The following PRKN variants were observed in gnomAD, a reference collection of about 807,000 sequenced individuals.
PRKN encodes the protein E3 ubiquitin-protein ligase parkin.
Under a neutral mutation model 59.5 loss-of-function variants are expected in PRKN, and 56 were observed. The observed-to-expected ratio is 0.94, with a 90% CI of 0.76 to 1.18. The LOEUF (loss-of-function observed/expected upper bound fraction) is 1.18. Among genes scored for constraint, PRKN ranks in the 50% most tolerant of loss-of-function variants. The pLI, the probability that PRKN is intolerant of heterozygous loss-of-function variation, is 0.00. For missense variants in PRKN, 657 were observed against 596.4 expected (o/e 1.10, Z -1.06); for synonymous variants, 250 against 222.1 (o/e 1.13, Z -1.12).
intron 1 of PRKN, among the ~76,000 whole-genome samples, chr6:162,514,979 C>CA (rs890623009): frequency 2.0e-5 from 3 of 149,194 alleles, no homozygotes; most frequent in African/African-American, 4.9e-5. Context: ...GAGTGATATA[C>CA]AAAAAAAAGG....
chr6:161,572,770 T>A (rs1780941194), intron 7 of PRKN, among the ~76,000 whole-genome samples: 1 of 152,182 alleles, frequency 6.6e-6, no homozygotes, highest in African/African-American at 2.4e-5. Flanking sequence ...GAAAACCAGA[T>A]CCTTCAAGTG....
intron 3 of PRKN, among the ~76,000 whole-genome samples, chr6:162,220,885 C>T (rs1422839303): frequency 1.3e-5 from 2 of 152,218 alleles, no homozygotes; most frequent in African/African-American, 4.8e-5. Flanking sequence ...ATAAACGTTA[C>T]AATTCATCCT....
At chr6:162,008,789 T>C (rs991040989) in intron 5 of PRKN, among the ~76,000 whole-genome samples, 7 of 152,152 alleles carry the variant, frequency 4.6e-5, no homozygotes, top group South Asian at 2.1e-4. Flanking sequence ...AGGAATATTA[T>C]TTATTTAGCC....
rs77433920 is a variant in PRKN at position 161,567,448 on chromosome 6, T to C, written c.933+1907A>G. The stretch of plus-strand genomic sequence containing the variant: ...TGTATATAATATGGTTTTCTCTAAG[T>C]AGAATATGGAGATTTTTCACTCCTC... On this transcript the variant is annotated intron_variant, in intron 8 of 11. Coordinates refer to ENST00000366898, the MANE Select transcript of PRKN (RefSeq NM_004562.3). 4.0e-3 allele frequency among the ~76,000 whole-genome samples: 612 copies of C among 152,246 alleles called. 13 individuals carry two copies. In the East Asian group the frequency reaches 0.064, roughly 16 times the overall value.
intron 5 of PRKN, among the ~76,000 whole-genome samples, chr6:162,032,945 G>C (rs943794330): frequency 1.3e-5 from 2 of 152,172 alleles, no homozygotes; most frequent in African/African-American, 4.8e-5. Context: ...CCACACTCCT[G>C]ATTGGGACTG....
rs1785879418 is a variant in PRKN at position 161,379,576 on chromosome 6, T to G, written c.1167+7218A>C. Among the ~76,000 whole-genome samples the G allele has an allele frequency of 6.6e-6, 1 of 152,148 alleles. No individual in the cohort carries two copies. The highest frequency in any genetic ancestry group is 1.5e-5 in the Non-Finnish European group (1 of 68,028). On this transcript the variant is annotated intron_variant, in intron 10 of 11. Transcript: ENST00000366898. The surrounding 1 kb of genome is among the most constrained non-coding windows in gnomAD (Gnocchi z 4.9). ...GCAGCAGACAGCTCTCTGCCAAGTC[T>G]CTACCCGGGAAGTGCCCCCAGCTGA...
intron 4 of PRKN, among the ~76,000 whole-genome samples, chr6:162,054,533 A>G (rs1441745835): frequency 6.6e-6 from 1 of 152,034 alleles, no homozygotes; most frequent in Non-Finnish European, 1.5e-5. Flanking sequence ...CATAATAATT[A>G]TTACTACCAT....
chr6:161,871,855 C>T (rs993261703), intron 6 of PRKN, among the ~76,000 whole-genome samples: 5 of 152,152 alleles, frequency 3.3e-5, no homozygotes, highest in Admixed American at 6.6e-5. Flanking sequence ...TGTATATTTG[C>T]ATATGGGACA....
Position 161,397,132 on chromosome 6 carries a change from C to T in PRKN, c.1084-10255G>A, listed in dbSNP as rs554215308. Among the ~76,000 whole-genome samples the T allele has an allele frequency of 6.6e-6, 1 of 152,276 alleles. No individual in the cohort carries two copies. Among genetic ancestry groups the T allele is most frequent in the African/African-American group, 2.4e-5 (1 of 41,542 alleles). On this transcript the variant is annotated intron_variant, in intron 9 of 11. Transcript: ENST00000366898. The surrounding 1 kb of genome is among the most constrained non-coding windows in gnomAD (Gnocchi z 4.2). ...TTTCACCCTCTATATGAAACTGTCT[C>T]CACCTATCTCCTCTTCTAAAGGGAT...
chr6:162,540,740 G>C (rs1778895681), intron 1 of PRKN, among the ~76,000 whole-genome samples: 1 of 151,266 alleles, frequency 6.6e-6, no homozygotes, highest in Non-Finnish European at 1.5e-5. Context: ...CCAGGAGGCA[G>C]AGGTTGCAGT....
intron 7 of PRKN, among the ~76,000 whole-genome samples, chr6:161,668,075 A>G (rs900999797): frequency 1.3e-5 from 2 of 152,144 alleles, no homozygotes; most frequent in Admixed American, 1.3e-4. Flanking sequence ...ATTCTGACCT[A>G]ATTCATTAGC....
chr6:162,369,515 C>T (rs1562707481), intron 2 of PRKN, among the ~76,000 whole-genome samples: 1 of 152,156 alleles, frequency 6.6e-6, no homozygotes, highest in Admixed American at 6.5e-5. Context: ...TACAATTGTA[C>T]ACATTCCACA....
At chr6:162,043,750 C>T (rs1249589108) in intron 5 of PRKN, among the ~76,000 whole-genome samples, 1 of 152,144 alleles carries the variant, frequency 6.6e-6, no homozygotes, top group African/African-American at 2.4e-5. Context: ...CCTCAGTTTT[C>T]TAGGAAGATT....
chr6:161,650,772 T>C (rs1784123590), intron 7 of PRKN, among the ~76,000 whole-genome samples: 1 of 152,226 alleles, frequency 6.6e-6, no homozygotes, highest in South Asian at 2.1e-4. Context: ...GCATGGTGTC[T>C]GGTCTTGAGT....
Position 161,360,713 on chromosome 6 carries a change from G to A in PRKN, c.1168-508C>T, listed in dbSNP as rs1403555787. Among the ~76,000 whole-genome samples, 2 of 152,140 alleles carry A rather than the reference G, an allele frequency of 1.3e-5. No individual in the cohort carries two copies. Among genetic ancestry groups the A allele is most frequent in the Admixed American group, 6.5e-5 (1 of 15,276 alleles). ...TATCCTTCCTTGCACCTGGCAAATG[G>A]GGAACTCCAAATGTTGTCACAGAAG... On this transcript the variant is annotated intron_variant, in intron 10 of 11. Transcript: ENST00000366898. This position sits in a 1 kb window ranked among gnomAD's most constrained non-coding sequence, Gnocchi z 5.1.
chr6:161,602,134 A>ATCT, intron 7 of PRKN, among the ~76,000 whole-genome samples: 1 of 151,738 alleles, frequency 6.6e-6, no homozygotes, highest in Non-Finnish European at 1.5e-5. Context: ...CTATCTATCT[A>ATCT]ATTTGCCTAT....
chr6:161,780,816 G>C (rs986385582), intron 7 of PRKN, among the ~76,000 whole-genome samples: 5 of 152,128 alleles, frequency 3.3e-5, no homozygotes, highest in African/African-American at 1.2e-4. Flanking sequence ...AACAAAATGA[G>C]TGTCTCTGTT....
At chr6:161,849,971 C>T (rs1359297884) in intron 6 of PRKN, among the ~76,000 whole-genome samples, 2 of 152,048 alleles carry the variant, frequency 1.3e-5, no homozygotes, top group African/African-American at 4.8e-5. Flanking sequence ...TAAAGCCCAG[C>T]CCAGCACAGT....
At chr6:162,439,671 C>T (rs1028550502) in intron 2 of PRKN, among the ~76,000 whole-genome samples, 31 of 138,656 alleles carry the variant, frequency 2.2e-4, no homozygotes, top group African/African-American at 8.9e-4. Flanking sequence ...GACAGTGAGA[C>T]TAACTCCCCC....
Sources: allele counts gnomAD v4.1 joint callset (sites outside exome capture counted in the v4.1 genomes callset), GRCh38; gene constraint gnomAD v4.1.1; non-coding constraint Gnocchi (gnomAD v3.1); transcripts MANE v1.5; gene names NCBI Gene and HGNC (gene_info 2026-07-23, HGNC 2026-07-21).